NPAS3: variants seen among roughly 807,000 people sequenced by gnomAD.
The protein encoded by NPAS3 is neuronal PAS domain-containing protein 3.
Under a neutral mutation model 73.1 loss-of-function variants are expected in NPAS3, and 14 were observed. That is an observed-to-expected ratio of 0.19 (90% CI 0.13 to 0.30). The LOEUF (loss-of-function observed/expected upper bound fraction) is 0.30, where lower values mean the gene tolerates loss of function less well. Ranked by LOEUF, NPAS3 falls within the 10% of genes least tolerant of loss-of-function variation. The probability of loss-of-function intolerance (pLI) is 1.00; values close to 1 mark genes in which losing one functional copy is unlikely to be tolerated. For missense variants in NPAS3, 1,096 were observed against 1,250.0 expected (o/e 0.88, Z 1.86); for synonymous variants, 620 against 541.5 (o/e 1.14, Z -2.01).
rs547089884 is a variant in NPAS3 at position 33,731,329 on chromosome 14, G to T, written c.734-3885G>T. Among the ~76,000 whole-genome samples the T allele has an allele frequency of 8.0e-5, 12 of 150,512 alleles. No homozygotes were observed. In the East Asian group the frequency reaches 1.8e-3, roughly 22 times the overall value. On this transcript the variant is annotated intron_variant, in intron 6 of 11. Transcript: ENST00000356141. ...AGCTACTCAGGAGGCTGAGGCAGGAGAATCGCCTGAGTCCAGGAGTTTGAG... is the reference window on the plus strand; with the variant it reads ...AGCTACTCAGGAGGCTGAGGCAGGATAATCGCCTGAGTCCAGGAGTTTGAG...
chr14:33,544,825 A>ATATTATATATATATATATAAT lies in NPAS3; in HGVS notation c.469-15293_469-15292insTATATATATATATATAATTAT. Reference sequence around the variant, plus strand: ...ATATATATATATGTATATATAATATATATGTGTATATATATATTATATATA... The same window carrying ATATTATATATATATATATAAT: ...ATATATATATATGTATATATAATATATATTATATATATATATATAATTATGTGTATATATATATTATATATA... On this transcript the variant is annotated intron_variant, in intron 4 of 11. Transcript: ENST00000356141. 7.2e-3 allele frequency among the ~76,000 whole-genome samples: 805 copies of ATATTATATATATATATATAAT among 111,674 alleles called. 36 individuals are homozygous for ATATTATATATATATATATAAT. Among genetic ancestry groups the ATATTATATATATATATATAAT allele is most frequent in the African/African-American group, 0.011 (263 of 24,448 alleles). 73.3% of individuals were successfully genotyped at this position (111,674 alleles called of 152,430 possible). A position where few individuals can be genotyped will look rare whatever the true frequency, so the allele number is the denominator to read the frequency against.
chr14:33,319,960 C>A (rs1371845912), intron 3 of NPAS3, among the ~76,000 whole-genome samples: 9 of 152,124 alleles, frequency 5.9e-5, no homozygotes, highest in Non-Finnish European at 1.2e-4. Flanking sequence ...CAAAGCCAAA[C>A]TATGACCAAT....
intron 3 of NPAS3, among the ~76,000 whole-genome samples, chr14:33,219,068 A>G (rs1211770341): frequency 2.0e-5 from 3 of 152,176 alleles, no homozygotes; most frequent in Admixed American, 1.3e-4. Context: ...CAAATCTACA[A>G]TGAACATTAT....
chr14:33,377,599 G>A lies in NPAS3; in HGVS notation c.468+10331G>A, dbSNP rs369501977. 2.7e-3 allele frequency among the ~76,000 whole-genome samples: 411 copies of A among 152,306 alleles called. 20 individuals are homozygous for A. The South Asian group carries it at 0.083, about 31-fold the overall frequency. ...AATGATGTCTCTATATGGCAGATAC[G>A]TATCCACGGGGATTTTTGTTTACCT... On this transcript the variant is annotated intron_variant, in intron 4 of 11. Coordinates refer to ENST00000356141, the Ensembl canonical transcript of NPAS3.
chr14:33,347,513 G>A (rs768790787), intron 3 of NPAS3, among the ~76,000 whole-genome samples: 23 of 152,206 alleles, frequency 1.5e-4, no homozygotes, highest in Non-Finnish European at 2.6e-4. Context: ...ATTCATTGCC[G>A]GAGGGCTTCA....
intron 7 of NPAS3, among the ~76,000 whole-genome samples, chr14:33,751,286 A>G (rs1227790047): frequency 5.9e-5 from 9 of 152,242 alleles, no homozygotes; most frequent in Non-Finnish European, 1.0e-4. Context: ...GGGAGTAAGT[A>G]TATAGATTTA....
chr14:33,641,021 T>C (rs532309734), intron 5 of NPAS3, among the ~76,000 whole-genome samples: 9 of 148,522 alleles, frequency 6.1e-5, no homozygotes, highest in African/African-American at 2.4e-4. Context: ...TAACGGGTGA[T>C]TTTTTAGTAT....
chr14:33,663,040 C>A (rs943059212), intron 5 of NPAS3, among the ~76,000 whole-genome samples: 1 of 151,880 alleles, frequency 6.6e-6, no homozygotes, highest in African/African-American at 2.4e-5. Context: ...AATATGACTT[C>A]CTCTCTTCCT....
At position 32,975,860 on chromosome 14, in the gene NPAS3, C is replaced by CGT. The variant is rs71118522; in HGVS notation, c.50+36530_50+36531dup. Among the ~76,000 whole-genome samples, 633 of 145,736 alleles carry CGT rather than the reference C, an allele frequency of 4.3e-3. 4 individuals carry two copies. Among genetic ancestry groups the CGT allele is most frequent in the African/African-American group, 0.013 (502 of 39,194 alleles). ...ATTTGTGATTGTTGGTGGTGAGGGG[C>CGT]GTGTGTGTGTGTGTGTGTGTGTGTG... is the stretch of plus-strand genomic sequence containing the variant. On this transcript the variant is annotated intron_variant, in intron 1 of 11. Coordinates refer to ENST00000356141, the Ensembl canonical transcript of NPAS3.
intron 2 of NPAS3, among the ~76,000 whole-genome samples, chr14:33,107,196 T>G (rs779755147): frequency 1.1e-4 from 17 of 152,170 alleles, no homozygotes; most frequent in Non-Finnish European, 2.2e-4. Flanking sequence ...ATCCAAAGAT[T>G]AAGTCTGATC....
chr14:33,533,856 A>G (rs2054144277), intron 4 of NPAS3, among the ~76,000 whole-genome samples: 1 of 152,158 alleles, frequency 6.6e-6, no homozygotes, highest in Admixed American at 6.6e-5. Flanking sequence ...ACATGTATAT[A>G]TACATATCAC....
At chr14:33,635,507 G>T (rs570393195) in intron 5 of NPAS3, among the ~76,000 whole-genome samples, 1 of 152,290 alleles carries the variant, frequency 6.6e-6, no homozygotes, top group Admixed American at 6.5e-5. Context: ...AAAGGAAGGA[G>T]TAGAGGCTGC....
At chr14:33,552,685 CCAA>C (rs2055173675) in intron 4 of NPAS3, among the ~76,000 whole-genome samples, 1 of 151,534 alleles carries the variant, frequency 6.6e-6, no homozygotes, top group South Asian at 2.1e-4. Flanking sequence ...TTTTTTAATG[CCAA>C]CAACTTGAAA....
chr14:32,970,327 A>G (rs1297248933), intron 1 of NPAS3, among the ~76,000 whole-genome samples: 3 of 152,098 alleles, frequency 2.0e-5, no homozygotes, highest in Non-Finnish European at 2.9e-5. Context: ...AAATTCTGTA[A>G]CTTGATTAAT....
rs75067330 is a variant in NPAS3, at chr14:33,327,139, A to C, written c.386-40047A>C. 0.01 allele frequency among the ~76,000 whole-genome samples: 1,581 copies of C among 152,338 alleles called. 111 individuals are homozygous for C. The East Asian group carries it at 0.16, about 15-fold the overall frequency. ...ATTTGGCAAAATTGTTAATATAGAT[A>C]TAGCTTGCTAACAGCTGGTTTTGAT... On this transcript the variant is annotated intron_variant, in intron 3 of 11. Transcript: ENST00000356141.
chr14:33,321,996 T>G (rs1046040923), intron 3 of NPAS3, among the ~76,000 whole-genome samples: 2 of 152,010 alleles, frequency 1.3e-5, no homozygotes, highest in African/African-American at 4.8e-5. Context: ...AATGAGCCAG[T>G]CGGGTTTTGT....
chr14:32,935,046 G>A (rs1282764817), upstream of NPAS3: 2 of 1,184,028 alleles, frequency 1.7e-6, no homozygotes, highest in Admixed American at 7.8e-5. Context: ...CCCGCCCCGG[G>A]GTGCTGGGGT....
intron 3 of NPAS3, among the ~76,000 whole-genome samples, chr14:33,245,626 T>G (rs2048348546): frequency 3.9e-5 from 6 of 152,188 alleles, no homozygotes. Flanking sequence ...ATGGATATGC[T>G]CTATCCACCC....
intron 3 of NPAS3, among the ~76,000 whole-genome samples, chr14:33,295,414 C>T (rs945309130): frequency 6.6e-6 from 1 of 152,134 alleles, no homozygotes; most frequent in Non-Finnish European, 1.5e-5. Context: ...TGCTGGCTTT[C>T]ATTTCTATCT....
Sources: allele counts gnomAD v4.1 joint callset (sites outside exome capture counted in the v4.1 genomes callset), GRCh38; gene constraint gnomAD v4.1.1; transcripts MANE v1.5; gene names NCBI Gene and HGNC (gene_info 2026-07-23, HGNC 2026-07-21).